FAM149A: variants seen among roughly 807,000 people sequenced by gnomAD.
FAM149A encodes family with sequence similarity 149 member A, also known as protein FAM149A.
Under a neutral mutation model 78.2 loss-of-function variants are expected in FAM149A, and 71 were observed. The ratio of observed to expected loss-of-function variants is 0.91; its 90% CI spans 0.75 to 1.11. The LOEUF (loss-of-function observed/expected upper bound fraction) is 1.11, where lower values mean the gene tolerates loss of function less well. Among genes scored for constraint, FAM149A ranks in the 50% least tolerant of loss-of-function variants. The probability of loss-of-function intolerance (pLI) is 0.00; values close to 1 mark genes in which losing one functional copy is unlikely to be tolerated. For synonymous variants in FAM149A, 446 were observed against 410.5 expected, an observed-to-expected ratio of 1.09 and a Z score of -1.04; for missense variants, 1,036 against 971.0, an observed-to-expected ratio of 1.07 and a Z score of -0.89.
intron 3 of FAM149A, 59 bp from the exon 4 acceptor site, chr4:186,151,844 C>A: frequency 6.3e-7 from 1 of 1,588,404 alleles, no homozygotes; most frequent in Middle Eastern, 1.7e-4. Flanking sequence ...TAGCGTTGAT[C>A]CAGAAGCCCG....
At chr4:186,130,662 T>G (rs533590657) in intron 1 of FAM149A, among the ~76,000 whole-genome samples, 4 of 152,000 alleles carry the variant, frequency 2.6e-5, no homozygotes, top group African/African-American at 7.2e-5. Flanking sequence ...CCTGGCCAAT[T>G]ATGTATAATT....
chr4:186,147,724 G>A (rs533372974), intron 1 of FAM149A, among the ~76,000 whole-genome samples: 2 of 152,086 alleles, frequency 1.3e-5, no homozygotes, highest in Non-Finnish European at 2.9e-5. Flanking sequence ...TATGTCATTA[G>A]TATTTGTATG....
rs142934788 is a variant in FAM149A at position 186,136,936 on chromosome 4, ATC to A, written c.567-12211_567-12210del. Among the ~76,000 whole-genome samples the A allele has an allele frequency of 7.3e-3, 644 of 87,870 alleles. 4 individuals are homozygous for A. The highest frequency in any genetic ancestry group is 0.021 in the Middle Eastern group (3 of 140). 57.6% of individuals were successfully genotyped at this position (87,870 alleles called of 152,430 possible). A position where few individuals can be genotyped will look rare whatever the true frequency, so the allele number is the denominator to read the frequency against. ...TTGTGAAGCTCAAATACACTGATTG[ATC>A]TCTCTCTCTCTCTCTCTCTCTCTCT... On this transcript the variant is annotated intron_variant, in intron 1 of 13. Coordinates refer to ENST00000389354, the MANE Select transcript of FAM149A (RefSeq NM_001367768.3).
In FAM149A at chr4:186,157,632, C is replaced by T. The variant is rs767943061; in HGVS notation, c.1488C>T (p.His496=). 8.1e-6 allele frequency: 13 copies of T among 1,614,052 alleles called. No individual in the cohort carries two copies. The highest frequency in any genetic ancestry group is 1.6e-4 in the Middle Eastern group (1 of 6,062). Residue 496 remains histidine (H), a synonymous_variant, in exon 8 of 14, where the codon CAC becomes CAT. Coordinates refer to ENST00000389354, the MANE Select transcript of FAM149A (RefSeq NM_001367768.3). Reference sequence around the variant, plus strand: ...GATTTCCGCACGTCCTCGTTCCACACGCTCACGCCGATGGAGCCAGTGGCC... The same window carrying T: ...GATTTCCGCACGTCCTCGTTCCACATGCTCACGCCGATGGAGCCAGTGGCC...
At chr4:186,154,395 C>G in intron 5 of FAM149A, 73 bp from the exon 6 acceptor site, 7 of 1,265,276 alleles carry the variant, frequency 5.5e-6, no homozygotes, top group Non-Finnish European at 7.7e-6. Flanking sequence ...TTGAAAGATC[C>G]GCCATGATCG....
At position 186,169,375 on chromosome 4, in the gene FAM149A, A is replaced by G. The variant is rs138641531; in HGVS notation, c.2218+2113A>G. 581 of 985,384 alleles carry G rather than the reference A, an allele frequency of 5.9e-4. 6 individuals are homozygous for G. In the African/African-American group the frequency reaches 8.8e-3, roughly 15 times the overall value. The allele number at this position is 985,384 out of a possible 1,614,324, so 61.0% of individuals were successfully genotyped here. A position where few individuals can be genotyped will look rare whatever the true frequency, so the allele number is the denominator to read the frequency against. On this transcript the variant is annotated intron_variant, in intron 13 of 13. Coordinates refer to ENST00000389354, the MANE Select transcript of FAM149A (RefSeq NM_001367768.3). Reference sequence around the variant, plus strand: ...AAGGCGTGACCTGTGATGTTGGTGCAATGAGGCGCGTGCCCCATGCAGACG... The same window carrying G: ...AAGGCGTGACCTGTGATGTTGGTGCGATGAGGCGCGTGCCCCATGCAGACG...
chr4:186,151,067 C>T (rs1473290351), intron 3 of FAM149A: 1 of 985,312 alleles, frequency 1.0e-6, no homozygotes, highest in Non-Finnish European at 1.2e-6. Context: ...CTTCTGTCCG[C>T]AGCTGTGCAG....
chr4:186,119,940 G>T (rs2099315261), intron 1 of FAM149A, among the ~76,000 whole-genome samples: 1 of 152,096 alleles, frequency 6.6e-6, no homozygotes, highest in Admixed American at 6.5e-5. Flanking sequence ...CTAAATTAAT[G>T]CAAAAAATTG....
intron 1 of FAM149A, chr4:186,130,293 C>CTCTATATATATATATA: frequency 6.4e-5 from 3 of 46,590 alleles, no homozygotes; most frequent in South Asian, 1.1e-3. Context: ...CTCTCTCTCT[C>CTCTATATATATATATA]TATATATATA....
chr4:186,157,158 T>TCA (rs139010168), intron 7 of FAM149A, among the ~76,000 whole-genome samples: 3 of 151,636 alleles, frequency 2.0e-5, no homozygotes, highest in Non-Finnish European at 2.9e-5. Flanking sequence ...TTAATCCTCT[T>TCA]ACATACAAAA....
chr4:186,134,940 T>C (rs2099322112), intron 1 of FAM149A, among the ~76,000 whole-genome samples: 1 of 152,160 alleles, frequency 6.6e-6, no homozygotes, highest in Non-Finnish European at 1.5e-5. Flanking sequence ...AAGCAGTTTT[T>C]TAGGTGGGAA....
chr4:186,158,881 A>G lies in FAM149A; in HGVS notation c.1575+1162A>G, dbSNP rs545266723. ...TCCACAGGCCACCAGCAAGATGGAAATAAGGCCGATGGAAAATAAACATCA... is the reference window on the plus strand; with the variant it reads ...TCCACAGGCCACCAGCAAGATGGAAGTAAGGCCGATGGAAAATAAACATCA... On this transcript the variant is annotated intron_variant, in intron 8 of 13. Transcript: ENST00000389354. The G allele has an allele frequency of 1.1e-5, 9 of 787,824 alleles. 1 individual carries two copies. The African/African-American group carries it at 1.5e-4, about 13-fold the overall frequency. The allele number at this position is 787,824 out of a possible 1,614,324, so 48.8% of individuals were successfully genotyped here.
intron 13 of FAM149A, 45 bp downstream of exon 13, chr4:186,167,307 A>G: frequency 6.6e-7 from 1 of 1,519,102 alleles, no homozygotes; most frequent in Non-Finnish European, 9.1e-7. Context: ...AGTAAGTGAG[A>G]TTTCAAGTTT....
rs984108493 is a variant in FAM149A, at chr4:186,164,818, G to A, written c.1890-526G>A. Among the ~76,000 whole-genome samples, 12 of 152,104 alleles carry A rather than the reference G, an allele frequency of 7.9e-5. No individual in the cohort carries two copies. The highest frequency in any genetic ancestry group is 2.2e-4 in the African/African-American group (9 of 41,400). On this transcript the variant is annotated intron_variant, in intron 10 of 13. Coordinates refer to ENST00000389354, the MANE Select transcript of FAM149A (RefSeq NM_001367768.3). The surrounding 1 kb of genome is among the most constrained non-coding windows in gnomAD (Gnocchi z 4.0). The stretch of plus-strand genomic sequence containing the variant: ...GTGTTCTGACCCCTCCCTCCCTGTG[G>A]GCTGCTGATTTTTCAGCTTTCTTTT...
chr4:186,109,111 T>C (rs1029327803), intron 1 of FAM149A: 1 of 908,812 alleles, frequency 1.1e-6, no homozygotes, highest in African/African-American at 1.8e-5. Context: ...CCTCCCGAAG[T>C]GCTGGGATTA....
chr4:186,165,347 G>A lies in FAM149A; in HGVS notation c.1893G>A (p.Pro631=), dbSNP rs367833020. The change falls in exon 11 of 14, where the codon CCG becomes CCA. Residue 631 remains proline, a synonymous_variant. Coordinates refer to ENST00000389354, the MANE Select transcript of FAM149A (RefSeq NM_001367768.3). ...GTGACATGATGATGTGTTGCAGGCC[G>A]ACTGGCGTGGACCACATGGCTTCCC... The A allele has an allele frequency of 1.7e-5, 27 of 1,614,040 alleles. No individual in the cohort carries two copies. The highest frequency in any genetic ancestry group is 6.7e-5 in the African/African-American group (5 of 74,930).
Position 186,174,115 on chromosome 4 carries a change from G to A in FAM149A, c.*2128G>A, listed in dbSNP as rs1397169203. ...TTTTTTTTTTACTTGAAGTTCAGGG[G>A]TACATGTGCAGGTTGTTACATAGGT... On this transcript the variant is annotated 3_prime_UTR_variant, in exon 14 of 14. Transcript: ENST00000389354. 8.5e-5 allele frequency among the ~76,000 whole-genome samples: 9 copies of A among 105,756 alleles called. 1 individual carries two copies. The highest frequency in any genetic ancestry group is 2.1e-4 in the African/African-American group (7 of 33,502). The allele number at this position is 105,756 out of a possible 152,430, so 69.4% of individuals were successfully genotyped here. A position where few individuals can be genotyped will look rare whatever the true frequency, so the allele number is the denominator to read the frequency against.
chr4:186,119,267 C>T (rs907447303), intron 1 of FAM149A, among the ~76,000 whole-genome samples: 4 of 152,110 alleles, frequency 2.6e-5, no homozygotes, highest in African/African-American at 7.2e-5. Context: ...CCATGTACTA[C>T]GTAGTACTCG....
chr4:186,165,408 C>CT lies in FAM149A; in HGVS notation c.1955dup (p.Val653SerfsTer34). The CT allele has an allele frequency of 1.2e-6, 2 of 1,614,062 alleles. No homozygotes were observed. The highest frequency in any genetic ancestry group is 1.7e-6 in the Non-Finnish European group (2 of 1,179,926). The stretch of plus-strand genomic sequence containing the variant: ...AACGTCACGGAGCAGGTTCCCCCCG[C>CT]TAGTCACGGAGACCAGGGGGCAGAA... On this transcript the variant is annotated frameshift_variant, in exon 11 of 14. Coordinates refer to ENST00000389354, the MANE Select transcript of FAM149A (RefSeq NM_001367768.3). LOFTEE classifies it high-confidence loss of function.
Sources: allele counts gnomAD v4.1 joint callset (sites outside exome capture counted in the v4.1 genomes callset), GRCh38; gene constraint gnomAD v4.1.1; non-coding constraint Gnocchi (gnomAD v3.1); transcripts MANE v1.5; gene names NCBI Gene and HGNC (gene_info 2026-07-23, HGNC 2026-07-21).